Variants in IMPG1 observed in about 807,000 individuals in gnomAD.
The protein encoded by IMPG1 is interphotoreceptor matrix proteoglycan of 150 kDa.
Under a neutral mutation model 92.0 loss-of-function variants are expected in IMPG1, and 85 were observed. The observed-to-expected ratio is 0.92, with a 90% CI of 0.78 to 1.11. IMPG1 has a LOEUF of 1.11. Ranked by LOEUF, IMPG1 falls within the 50% of genes least tolerant of loss-of-function variation. IMPG1 has a pLI of 0.00. For synonymous variants in IMPG1, 367 were observed against 334.1 expected (o/e 1.10, Z -1.08); for missense variants, 1,022 against 956.0 (o/e 1.07, Z -0.91).
chr6:76,060,341 A>C (rs572664337), intron 1 of IMPG1, among the ~76,000 whole-genome samples: 1 of 152,300 alleles, frequency 6.6e-6, no homozygotes, highest in African/African-American at 2.4e-5. Context: ...TATGGCTGGA[A>C]GAGAGGAGCA....
At chr6:76,052,459 A>G (rs1347919918) in intron 1 of IMPG1, among the ~76,000 whole-genome samples, 1 of 152,242 alleles carries the variant, frequency 6.6e-6, no homozygotes, top group Non-Finnish European at 1.5e-5. Flanking sequence ...CGAATGACGT[A>G]CATTAACATT....
chr6:75,980,615 T>C (rs1195355739), intron 12 of IMPG1, among the ~76,000 whole-genome samples: 1 of 152,186 alleles, frequency 6.6e-6, no homozygotes, highest in East Asian at 1.9e-4. Context: ...CTGTGCTGGG[T>C]GCTTTCTGCC....
chr6:76,031,609 G>A (rs1248357064), intron 4 of IMPG1, among the ~76,000 whole-genome samples: 3 of 152,042 alleles, frequency 2.0e-5, no homozygotes, highest in Admixed American at 6.6e-5. Context: ...CTTAATAAAT[G>A]GTTTTTATGT....
chr6:75,957,127 C>T (rs1413700360), intron 12 of IMPG1, among the ~76,000 whole-genome samples: 1 of 152,098 alleles, frequency 6.6e-6, no homozygotes, highest in Non-Finnish European at 1.5e-5. Flanking sequence ...ACCATCTTGG[C>T]CTGACTGGTC....
chr6:76,071,800 T>C (rs1365902933), intron 1 of IMPG1, among the ~76,000 whole-genome samples: 1 of 152,084 alleles, frequency 6.6e-6, no homozygotes, highest in Non-Finnish European at 1.5e-5. Flanking sequence ...AAACACACAT[T>C]ATTTTTCTTA....
intron 12 of IMPG1, among the ~76,000 whole-genome samples, chr6:75,987,111 A>G (rs1782729281): frequency 6.6e-6 from 1 of 152,116 alleles, no homozygotes; most frequent in South Asian, 2.1e-4. Context: ...TTGCAGTACT[A>G]GTTTCCTGTG....
intron 12 of IMPG1, among the ~76,000 whole-genome samples, chr6:75,957,405 T>C (rs1210671849): frequency 1.3e-5 from 2 of 152,180 alleles, no homozygotes; most frequent in Non-Finnish European, 2.9e-5. Flanking sequence ...GGTGGAGAGT[T>C]CTGTAGATGT....
At chr6:76,027,158 G>T (rs1322965968) in intron 4 of IMPG1, among the ~76,000 whole-genome samples, 1 of 152,184 alleles carries the variant, frequency 6.6e-6, no homozygotes, top group Non-Finnish European at 1.5e-5. Context: ...CAGCCTTAAA[G>T]ATTATTGGTA....
At chr6:76,036,899 CT>C (rs1415267440) in intron 2 of IMPG1, among the ~76,000 whole-genome samples, 3 of 142,804 alleles carry the variant, frequency 2.1e-5, no homozygotes, top group Non-Finnish European at 4.7e-5. Flanking sequence ...TTAATTTAAA[CT>C]TGACAAAAAA....
At chr6:76,028,240 A>T (rs770176619) in intron 4 of IMPG1, among the ~76,000 whole-genome samples, 2 of 152,214 alleles carry the variant, frequency 1.3e-5, no homozygotes, top group Non-Finnish European at 2.9e-5. Flanking sequence ...TTCACAGACA[A>T]TTGCTGTCTT....
intron 14 of IMPG1, among the ~76,000 whole-genome samples, chr6:75,933,688 G>C (rs1276595682): frequency 6.6e-6 from 1 of 152,208 alleles, no homozygotes; most frequent in Non-Finnish European, 1.5e-5. Flanking sequence ...ATTCAGAAGA[G>C]ACATGTCGTT....
intron 12 of IMPG1, among the ~76,000 whole-genome samples, chr6:75,984,254 G>A (rs928674326): frequency 2.0e-5 from 3 of 152,190 alleles, no homozygotes; most frequent in African/African-American, 7.2e-5. Flanking sequence ...ATGTTGAAAA[G>A]ATATTTGCAC....
At chr6:76,061,489 G>A (rs1005339834) in intron 1 of IMPG1, among the ~76,000 whole-genome samples, 1 of 152,184 alleles carries the variant, frequency 6.6e-6, no homozygotes, top group Non-Finnish European at 1.5e-5. Context: ...TTCATGAAAT[G>A]AGAGCATACA....
intron 12 of IMPG1, among the ~76,000 whole-genome samples, chr6:75,953,424 C>T (rs944294067): frequency 2.0e-5 from 3 of 151,790 alleles, no homozygotes; most frequent in African/African-American, 7.3e-5. Context: ...CCTATCCCTC[C>T]CCTACTGTGC....
chr6:75,974,999 G>A (rs1782511245), intron 12 of IMPG1, among the ~76,000 whole-genome samples: 2 of 152,190 alleles, frequency 1.3e-5, no homozygotes, highest in South Asian at 2.1e-4. Context: ...TTTTCTTTTG[G>A]GAAAGTAGGA....
intron 4 of IMPG1, among the ~76,000 whole-genome samples, chr6:76,030,345 G>A (rs547037750): frequency 1.3e-5 from 2 of 152,124 alleles, no homozygotes; most frequent in African/African-American, 2.4e-5. Context: ...TGTATCTTGG[G>A]CATATGTTAG....
intron 14 of IMPG1, among the ~76,000 whole-genome samples, chr6:75,939,384 T>A (rs1781802572): frequency 6.6e-6 from 1 of 152,090 alleles, no homozygotes; most frequent in African/African-American, 2.4e-5. Context: ...CGGTGTGTGA[T>A]GTTCCCCTTC....
At chr6:75,934,706 G>T (rs1351474332) in intron 14 of IMPG1, among the ~76,000 whole-genome samples, 1 of 151,980 alleles carries the variant, frequency 6.6e-6, no homozygotes. Context: ...TGTTTGTCAG[G>T]CCTGAAAATA....
At chr6:75,979,154 G>A (rs1262279948) in intron 12 of IMPG1, among the ~76,000 whole-genome samples, 1 of 152,098 alleles carries the variant, frequency 6.6e-6, no homozygotes, top group African/African-American at 2.4e-5. Flanking sequence ...TGGGCTCAAG[G>A]AATCTGCCCA....
Sources: gnomAD v4.1 joint callset for allele counts (sites outside exome capture counted in the v4.1 genomes callset) on GRCh38, gnomAD v4.1.1 for gene constraint, MANE v1.5 for transcripts, NCBI Gene and HGNC (gene_info 2026-07-23, HGNC 2026-07-21) for gene names.